Variants in HSPBAP1 observed in about 807,000 individuals in gnomAD.
HSPBAP1 encodes the protein HSPB1-associated protein 1.
HSPBAP1 carries 27 observed loss-of-function variants against 45.2 expected under a neutral mutation model. The ratio of observed to expected loss-of-function variants is 0.60; its 90% CI spans 0.44 to 0.82. The LOEUF is 0.82. Ranked by LOEUF, HSPBAP1 falls within the 40% of genes least tolerant of loss-of-function variation. The probability of loss-of-function intolerance (pLI) is 0.00; values close to 1 mark genes in which losing one functional copy is unlikely to be tolerated. For synonymous variants in HSPBAP1, 204 were observed against 202.7 expected, an observed-to-expected ratio of 1.01 and a Z score of -0.06; for missense variants, 510 against 590.9, an observed-to-expected ratio of 0.86 and a Z score of 1.42.
rs1036081396 is a variant in HSPBAP1 at position 122,746,527 on chromosome 3, G to A, written c.826-5414C>T. 1.3e-4 allele frequency among the ~76,000 whole-genome samples: 20 copies of A among 151,288 alleles called. No homozygotes were observed. In the South Asian group the frequency reaches 1.9e-3, roughly 14 times the overall value. ...TAAACAGACATTTCAAATCATGAAG[G>A]GAAAACAAACTGTAAAATAAATGAT... is the stretch of plus-strand genomic sequence containing the variant. On this transcript the variant is annotated intron_variant, in intron 6 of 7. Coordinates refer to ENST00000306103, the MANE Select transcript of HSPBAP1 (RefSeq NM_024610.6).
In HSPBAP1 at chr3:122,788,107, C is replaced by A. The variant is rs147331607; in HGVS notation, c.64+5510G>T. 5.9e-4 allele frequency among the ~76,000 whole-genome samples: 90 copies of A among 152,264 alleles called. No individual in the cohort carries two copies. In the East Asian group the frequency reaches 0.017, roughly 29 times the overall value. ...AAACACACAGGAAGTTCAGGCTGGGCACCTGAGACAGTTACATCCTGGACA... is the reference window on the plus strand; with the variant it reads ...AAACACACAGGAAGTTCAGGCTGGGAACCTGAGACAGTTACATCCTGGACA... On this transcript the variant is annotated intron_variant, in intron 1 of 7. Coordinates refer to ENST00000306103, the MANE Select transcript of HSPBAP1 (RefSeq NM_024610.6).
At chr3:122,752,755 C>A in intron 5 of HSPBAP1, 81 bp from the exon 6 acceptor site, 2 of 1,423,344 alleles carry the variant, frequency 1.4e-6, no homozygotes, top group Non-Finnish European at 1.9e-6. Context: ...ATTGAGGCTG[C>A]TAGGAAAAAA....
intron 1 of HSPBAP1, among the ~76,000 whole-genome samples, chr3:122,790,910 C>G (rs530170269): frequency 1.2e-4 from 19 of 152,304 alleles, no homozygotes; most frequent in African/African-American, 4.6e-4. Flanking sequence ...GACCCTTTCA[C>G]TTGACTTTAT....
intron 2 of HSPBAP1, among the ~76,000 whole-genome samples, chr3:122,774,210 C>T (rs571082612): frequency 2.6e-5 from 4 of 152,310 alleles, no homozygotes; most frequent in South Asian, 2.1e-4. Flanking sequence ...TACAACTGTG[C>T]TAAGTGTTAC....
intron 6 of HSPBAP1, among the ~76,000 whole-genome samples, chr3:122,747,117 G>A (rs936022823): frequency 9.3e-5 from 14 of 150,640 alleles, no homozygotes; most frequent in African/African-American, 2.2e-4. Context: ...GCCGCCTATC[G>A]TCTGGGATGT....
At chr3:122,765,555 T>C (rs1245312064) in intron 3 of HSPBAP1, among the ~76,000 whole-genome samples, 6 of 136,414 alleles carry the variant, frequency 4.4e-5, no homozygotes, top group Admixed American at 8.2e-5. Flanking sequence ...CACTCCAGCC[T>C]GGGTGACAGA....
At chr3:122,780,059 G>T (rs535000757) in intron 1 of HSPBAP1, among the ~76,000 whole-genome samples, 2 of 152,056 alleles carry the variant, frequency 1.3e-5, no homozygotes, top group Non-Finnish European at 2.9e-5. Context: ...GGGCAGAGGG[G>T]CTCCTCACTT....
chr3:122,785,942 G>A (rs1306000738), intron 1 of HSPBAP1, among the ~76,000 whole-genome samples: 3 of 151,954 alleles, frequency 2.0e-5, no homozygotes, highest in Non-Finnish European at 2.9e-5. Context: ...TGGAAGTTGC[G>A]AGTCAGCCTT....
At chr3:122,769,453 C>A (rs1438886696) in intron 2 of HSPBAP1, among the ~76,000 whole-genome samples, 1 of 152,144 alleles carries the variant, frequency 6.6e-6, no homozygotes, top group Non-Finnish European at 1.5e-5. Flanking sequence ...ATGGGTATGA[C>A]TCCAATGAGT....
chr3:122,790,187 A>C (rs2107546322), intron 1 of HSPBAP1, among the ~76,000 whole-genome samples: 1 of 151,692 alleles, frequency 6.6e-6, no homozygotes, highest in East Asian at 1.9e-4. Flanking sequence ...AATCTCCAGT[A>C]CCTTTCTCTA....
chr3:122,743,849 T>C (rs1933755790), intron 6 of HSPBAP1, among the ~76,000 whole-genome samples: 1 of 151,720 alleles, frequency 6.6e-6, no homozygotes. Flanking sequence ...CAAATGCAAG[T>C]TACTGATAAA....
intron 6 of HSPBAP1, among the ~76,000 whole-genome samples, chr3:122,742,189 A>G (rs1162121004): frequency 6.7e-6 from 1 of 149,836 alleles, no homozygotes; most frequent in African/African-American, 2.4e-5. Flanking sequence ...ATATATTAAT[A>G]TATGAATAGT....
intron 3 of HSPBAP1, among the ~76,000 whole-genome samples, chr3:122,765,763 T>C (rs2107520181): frequency 6.6e-6 from 1 of 152,302 alleles, no homozygotes; most frequent in African/African-American, 2.4e-5. Context: ...TAAGTCAATA[T>C]TTTCCAAATG....
intron 6 of HSPBAP1, among the ~76,000 whole-genome samples, chr3:122,750,544 TATCTATCTA>T (rs1374398281): frequency 2.6e-5 from 4 of 151,638 alleles, no homozygotes; most frequent in Non-Finnish European, 5.9e-5. Flanking sequence ...TCTATCTATC[TATCTATCTA>T]ATCTATCTAT....
chr3:122,769,033 T>C (rs2107523457), intron 2 of HSPBAP1, 151 bp from the exon 3 acceptor site: 2 of 583,542 alleles, frequency 3.4e-6, no homozygotes, highest in East Asian at 5.7e-5. Flanking sequence ...GGTGCATGCC[T>C]GTAATCCTAG....
intron 1 of HSPBAP1, among the ~76,000 whole-genome samples, chr3:122,786,767 AG>A (rs1349641568): frequency 6.6e-6 from 1 of 152,216 alleles, no homozygotes; most frequent in Non-Finnish European, 1.5e-5. Flanking sequence ...GCAGAGTAGC[AG>A]GATGTTCACC....
Position 122,768,896 on chromosome 3 carries a change from G to T in HSPBAP1, c.251-14C>A. 1 of 1,538,546 alleles carries T rather than the reference G, an allele frequency of 6.5e-7. No homozygotes were observed. The highest frequency in any genetic ancestry group is 9.0e-7 in the Non-Finnish European group (1 of 1,116,728). On this transcript the variant is annotated splice_polypyrimidine_tract_variant and intron_variant, in intron 2 of 7. Transcript: ENST00000306103. ...CAAACTGAGGAACTGCAATGTAAGA[G>T]AATGCAACCTTAAATGTATAATGAA...
chr3:122,780,149 C>A (rs1310224921), intron 1 of HSPBAP1, among the ~76,000 whole-genome samples: 4 of 113,072 alleles, frequency 3.5e-5, no homozygotes, highest in African/African-American at 1.2e-4. Flanking sequence ...GACCCCCCCA[C>A]CTCCCTCCTG....
chr3:122,771,282 C>G (rs1012569746), intron 2 of HSPBAP1, among the ~76,000 whole-genome samples: 2 of 152,130 alleles, frequency 1.3e-5, no homozygotes, highest in African/African-American at 2.4e-5. Flanking sequence ...CAATTTCTTT[C>G]TGGGTAGTAC....
Sources: gnomAD v4.1 joint callset for allele counts (sites outside exome capture counted in the v4.1 genomes callset) on GRCh38, gnomAD v4.1.1 for gene constraint, MANE v1.5 for transcripts, NCBI Gene and HGNC (gene_info 2026-07-23, HGNC 2026-07-21) for gene names.